Variants in MYO5B observed in about 807,000 individuals in gnomAD.
The protein encoded by MYO5B is unconventional myosin-Vb.
MYO5B carries 143 observed loss-of-function variants against 229.3 expected under a neutral mutation model. The ratio of observed to expected loss-of-function variants is 0.62; its 90% CI spans 0.54 to 0.72. The LOEUF is 0.72. MYO5B is among the 30% of genes least tolerant of loss of function. MYO5B has a pLI of 0.00. For missense variants in MYO5B, 2,321 were observed against 2,331.0 expected, an observed-to-expected ratio of 1.00 and a Z score of 0.09; for synonymous variants, 918 against 885.2, an observed-to-expected ratio of 1.04 and a Z score of -0.66.
intron 16 of MYO5B, among the ~76,000 whole-genome samples, chr18:49,931,969 C>T (rs577540957): frequency 6.6e-6 from 1 of 152,320 alleles, no homozygotes; most frequent in African/African-American, 2.4e-5. Flanking sequence ...CAAGTTCAGC[C>T]CATTGCACAC....
intron 4 of MYO5B, among the ~76,000 whole-genome samples, chr18:50,012,563 G>A (rs1011639519): frequency 6.6e-6 from 1 of 152,174 alleles, no homozygotes; most frequent in Non-Finnish European, 1.5e-5. Flanking sequence ...TTGGATGTCC[G>A]AGGTACACAG....
chr18:50,012,676 T>C (rs1005532052), intron 4 of MYO5B, among the ~76,000 whole-genome samples: 1 of 152,216 alleles, frequency 6.6e-6, no homozygotes. Flanking sequence ...AGAAAGAAAG[T>C]GCTTCCCCTT....
intron 23 of MYO5B, among the ~76,000 whole-genome samples, chr18:49,879,628 G>A (rs1174210884): frequency 6.6e-6 from 1 of 152,218 alleles, no homozygotes; most frequent in Non-Finnish European, 1.5e-5. Context: ...GTGATATTGG[G>A]TGGGACTGTG....
At chr18:50,068,949 T>C (rs1237926288) in intron 1 of MYO5B, among the ~76,000 whole-genome samples, 2 of 152,218 alleles carry the variant, frequency 1.3e-5, no homozygotes, top group East Asian at 1.9e-4. Context: ...AGGTCAAAGT[T>C]TGTGGCTCAA....
At chr18:49,978,071 C>T (rs905019059) in intron 9 of MYO5B, among the ~76,000 whole-genome samples, 9 of 152,180 alleles carry the variant, frequency 5.9e-5, no homozygotes, top group African/African-American at 2.2e-4. Context: ...CACAAACCTG[C>T]ACTCAAATGC....
chr18:49,988,237 G>A (rs1415819190), intron 7 of MYO5B, among the ~76,000 whole-genome samples: 6 of 152,200 alleles, frequency 3.9e-5, no homozygotes, highest in African/African-American at 1.2e-4. Context: ...TGTATTTGCT[G>A]TTTTCAGCTA....
At chr18:50,191,357 AT>A (rs1253268978) in intron 1 of MYO5B, among the ~76,000 whole-genome samples, 2 of 152,184 alleles carry the variant, frequency 1.3e-5, no homozygotes, top group African/African-American at 4.8e-5. Context: ...AAGAACTCTA[AT>A]ATTTGTTTGG....
rs1340403999 is a variant in MYO5B, at chr18:50,043,332, T to C, written c.139-3018A>G. ...ATATAAATATATAAAATATATATTTTATATATTTATATTATATATAATATA... is the reference window on the plus strand; with the variant it reads ...ATATAAATATATAAAATATATATTTCATATATTTATATTATATATAATATA... On this transcript the variant is annotated intron_variant, in intron 2 of 39. Transcript: ENST00000285039. 1.1e-4 allele frequency among the ~76,000 whole-genome samples: 9 copies of C among 84,780 alleles called. No homozygotes were observed. In the South Asian group the frequency reaches 3.1e-3, roughly 30 times the overall value. 55.6% of individuals were successfully genotyped at this position (84,780 alleles called of 152,430 possible).
At position 49,871,759 on chromosome 18, in the gene MYO5B, T is replaced by A; in HGVS notation, c.3603+408A>T. Reference sequence around the variant, plus strand: ...TGAGGATGGGAATGGGGTGGGCCTGTTCGGAAGCCCCTTTTCTGTGCATTC... The same window carrying A: ...TGAGGATGGGAATGGGGTGGGCCTGATCGGAAGCCCCTTTTCTGTGCATTC... On this transcript the variant is annotated intron_variant, in intron 27 of 39. Coordinates refer to ENST00000285039, the MANE Select transcript of MYO5B (RefSeq NM_001080467.3). 3 of 299,952 alleles carry A rather than the reference T, an allele frequency of 1.0e-5. No individual in the cohort carries two copies. The South Asian group carries it at 1.0e-4, about 10-fold the overall frequency. The allele number at this position is 299,952 out of a possible 1,614,324, so 18.6% of individuals were successfully genotyped here.
At chr18:50,191,477 A>T (rs1274279977) in intron 1 of MYO5B, among the ~76,000 whole-genome samples, 1 of 152,198 alleles carries the variant, frequency 6.6e-6, no homozygotes, top group East Asian at 1.9e-4. Flanking sequence ...ACCTGAGAAA[A>T]AGTACACTGA....
At chr18:50,098,109 G>A (rs1056030) in intron 1 of MYO5B, among the ~76,000 whole-genome samples, 36,639 of 151,950 alleles carry the variant, frequency 0.24, 5,455 homozygotes, top group African/African-American at 0.42. Flanking sequence ...AATTCCCTTC[G>A]AAATAAAATA....
At chr18:50,103,145 C>T (rs1419730145) in intron 1 of MYO5B, among the ~76,000 whole-genome samples, 2 of 152,252 alleles carry the variant, frequency 1.3e-5, no homozygotes, top group African/African-American at 2.4e-5. Flanking sequence ...CCAGGAGGCC[C>T]ACTTTGTGGG....
intron 2 of MYO5B, among the ~76,000 whole-genome samples, chr18:50,052,070 G>A (rs772985811): frequency 2.4e-4 from 37 of 152,274 alleles, no homozygotes; most frequent in Non-Finnish European, 4.7e-4. Flanking sequence ...TGCTGGAGAG[G>A]ATGTGGAGAA....
At chr18:50,007,578 C>A (rs1267380640) in intron 4 of MYO5B, among the ~76,000 whole-genome samples, 1 of 152,208 alleles carries the variant, frequency 6.6e-6, no homozygotes, top group Non-Finnish European at 1.5e-5. Flanking sequence ...GGGGACCGAG[C>A]ACCTCTCTCC....
In MYO5B at chr18:49,857,009, C is replaced by A. The variant is rs371379656; in HGVS notation, c.3945-119G>T. ...GTTTGGAAACGAAAAAAAGGCAAGGCTCAAGAACTCCCATTTTCCCTTCCT... is the reference window on the plus strand; with the variant it reads ...GTTTGGAAACGAAAAAAAGGCAAGGATCAAGAACTCCCATTTTCCCTTCCT... On this transcript the variant is annotated intron_variant, in intron 29 of 39. Coordinates refer to ENST00000285039, the MANE Select transcript of MYO5B (RefSeq NM_001080467.3). 14 of 805,318 alleles carry A rather than the reference C, an allele frequency of 1.7e-5. 1 individual carries two copies. In the South Asian group the frequency reaches 2.0e-4, roughly 12 times the overall value. 49.9% of individuals were successfully genotyped at this position (805,318 alleles called of 1,614,324 possible).
Position 49,971,220 on chromosome 18 carries a change from A to T in MYO5B, c.1322+3130T>A, listed in dbSNP as rs1468135261. Among the ~76,000 whole-genome samples the T allele has an allele frequency of 2.6e-5, 4 of 152,306 alleles. No individual in the cohort carries two copies. The East Asian group carries it at 7.7e-4, about 29-fold the overall frequency. On this transcript the variant is annotated intron_variant, in intron 10 of 39. Transcript: ENST00000285039. ...GTCATGAATAGAATAAAGCCTAATG[A>T]CTGGAATGAGTTTGAACTGGGAAGG...
At chr18:50,119,736 C>G (rs181494521) in intron 1 of MYO5B, among the ~76,000 whole-genome samples, 78 of 152,304 alleles carry the variant, frequency 5.1e-4, no homozygotes, top group African/African-American at 1.6e-3. Context: ...CATCGCGCCA[C>G]TTATCACTGA....
chr18:49,872,074 TG>T, intron 27 of MYO5B, 92 bp downstream of exon 27: 1 of 1,174,208 alleles, frequency 8.5e-7, no homozygotes, highest in Non-Finnish European at 1.3e-6. Context: ...GTTAGCAGAC[TG>T]GGGCTCAGGG....
In MYO5B at chr18:49,863,345, A is replaced by T. The variant is rs746982233; in HGVS notation, c.3844-18T>A. 4.7e-5 allele frequency: 75 copies of T among 1,607,218 alleles called. No homozygotes were observed. Among genetic ancestry groups the T allele is most frequent in the Non-Finnish European group, 1.7e-6 (2 of 1,174,318 alleles). On this transcript the variant is annotated intron_variant, in intron 28 of 39. Transcript: ENST00000285039. ...TTCGGCTCCTAGAAAGCCCCAGATA[A>T]AAAAATAACTCTGGTTAAACAATTG...
Sources: allele counts gnomAD v4.1 joint callset (sites outside exome capture counted in the v4.1 genomes callset), GRCh38; gene constraint gnomAD v4.1.1; transcripts MANE v1.5; gene names NCBI Gene and HGNC (gene_info 2026-07-23, HGNC 2026-07-21).